Variants in CACNA1E observed in about 807,000 individuals in gnomAD.
CACNA1E encodes calcium voltage-gated channel subunit alpha1 E.
A neutral mutation model predicts 259.2 loss-of-function variants in CACNA1E; 40 were observed. The observed-to-expected ratio is 0.15, with a 90% CI of 0.12 to 0.20. The LOEUF is 0.20. Ranked by LOEUF, CACNA1E falls within the 10% of genes least tolerant of loss-of-function variation. The pLI is 1.00. For missense variants in CACNA1E, 1,874 were observed against 3,040.1 expected, an observed-to-expected ratio of 0.62 and a Z score of 9.02; for synonymous variants, 1,104 against 1,138.5, an observed-to-expected ratio of 0.97 and a Z score of 0.61.
At chr1:181,523,856 G>A (rs1181523383) in intron 3 of CACNA1E, among the ~76,000 whole-genome samples, 1 of 152,230 alleles carries the variant, frequency 6.6e-6, no homozygotes, top group East Asian at 1.9e-4. Flanking sequence ...CTTCAGTCTT[G>A]TGTAGAGGTG....
At chr1:181,577,331 C>T (rs1048226802) in intron 3 of CACNA1E, among the ~76,000 whole-genome samples, 15 of 152,142 alleles carry the variant, frequency 9.9e-5, no homozygotes, top group African/African-American at 3.6e-4. Flanking sequence ...TACTTTTTTA[C>T]TGCAGTTAAT....
intron 3 of CACNA1E, among the ~76,000 whole-genome samples, chr1:181,543,097 A>G (rs1668723782): frequency 2.0e-5 from 3 of 152,194 alleles, no homozygotes; most frequent in Middle Eastern, 3.4e-3. Context: ...ATGTTGTCTT[A>G]TAACACTGAT....
Position 181,776,085 on chromosome 1 carries a change from TC to T in CACNA1E, c.5140-12del, listed in dbSNP as rs752600141. On this transcript the variant is annotated splice_polypyrimidine_tract_variant and intron_variant, in intron 37 of 47. Transcript: ENST00000367573. The surrounding 1 kb of genome is among the most constrained non-coding windows in gnomAD (Gnocchi z 4.4). ...TTAGGTTTCCCCTAACCCCTCTTCT[TC>T]CCCTTGCCCTTCAGATGCTCAACCT... is the stretch of plus-strand genomic sequence containing the variant. 7.6e-5 allele frequency: 122 copies of T among 1,609,326 alleles called. 1 individual carries two copies. In the Admixed American group the frequency reaches 2.0e-3, roughly 26 times the overall value.
At chr1:181,475,907 G>C (rs564606737) in intron 2 of CACNA1E, among the ~76,000 whole-genome samples, 25 of 152,270 alleles carry the variant, frequency 1.6e-4, no homozygotes, top group African/African-American at 5.5e-4. Flanking sequence ...TGGTGTGGAG[G>C]GGGTAGTTGA....
Position 181,728,702 on chromosome 1 carries a change from GGT to G in CACNA1E, c.2241-2465_2241-2464del, listed in dbSNP as rs541797044. 1.7e-3 allele frequency among the ~76,000 whole-genome samples: 251 copies of G among 152,032 alleles called. 1 individual carries two copies. Among genetic ancestry groups the G allele is most frequent in the Non-Finnish European group, 3.1e-3 (213 of 67,970 alleles). On this transcript the variant is annotated intron_variant, in intron 18 of 47. Coordinates refer to ENST00000367573, the MANE Select transcript of CACNA1E (RefSeq NM_001205293.3). Reference sequence around the variant, plus strand: ...TGCCCAGGTGTGTGTGCCCTACACAGGTGTGTGTGCTCTGCACAGGTATGTGT... The same window carrying G: ...TGCCCAGGTGTGTGTGCCCTACACAGGTGTGTGCTCTGCACAGGTATGTGT...
intron 1 of CACNA1E, among the ~76,000 whole-genome samples, chr1:181,347,593 G>A (rs1160483270): frequency 1.3e-5 from 2 of 152,228 alleles, no homozygotes; most frequent in African/African-American, 2.4e-5. Context: ...GCCCATGCCT[G>A]CCTCTGCACC....
At chr1:181,681,738 G>A (rs2102267318) in intron 7 of CACNA1E, among the ~76,000 whole-genome samples, 1 of 152,302 alleles carries the variant, frequency 6.6e-6, no homozygotes, top group Middle Eastern at 3.4e-3. Context: ...TACCAGCTGT[G>A]AGTAAGTTAT....
At chr1:181,544,400 T>TAAA (rs5779107) in intron 3 of CACNA1E, among the ~76,000 whole-genome samples, 5 of 148,588 alleles carry the variant, frequency 3.4e-5, no homozygotes, top group Admixed American at 6.7e-5. Flanking sequence ...CTGAATATAC[T>TAAA]AAAAAAAAAA....
chr1:181,791,065 C>T (rs1386181713), intron 44 of CACNA1E, among the ~76,000 whole-genome samples: 1 of 152,210 alleles, frequency 6.6e-6, no homozygotes, highest in Admixed American at 6.5e-5. Context: ...ACTGTCTTAC[C>T]TCTGCTCTGT....
chr1:181,344,830 C>A (rs1159864305), intron 1 of CACNA1E, among the ~76,000 whole-genome samples: 2 of 152,198 alleles, frequency 1.3e-5, no homozygotes, highest in Non-Finnish European at 2.9e-5. Context: ...CTTTTAATTA[C>A]CTGCTGGCAA....
chr1:181,790,713 G>A (rs148396631), intron 44 of CACNA1E, among the ~76,000 whole-genome samples, 157 bp downstream of exon 44: 1 of 152,300 alleles, frequency 6.6e-6, no homozygotes, highest in African/African-American at 2.4e-5. Flanking sequence ...TTCTAGCCCA[G>A]TTTCTCATGT....
chr1:181,750,385 TCTGA>T (rs1657485631), intron 25 of CACNA1E, 87 bp from the exon 26 acceptor site: 8 of 1,119,448 alleles, frequency 7.1e-6, no homozygotes, highest in Admixed American at 1.9e-5. Context: ...CCTGAAGTGT[TCTGA>T]CTGTCTTTCT....
At chr1:181,580,512 C>T in intron 5 of CACNA1E, 83 bp from the exon 6 acceptor site, 2 of 1,355,208 alleles carry the variant, frequency 1.5e-6, no homozygotes, top group East Asian at 2.3e-5. Flanking sequence ...AATGGAATTG[C>T]TTGCCTATGG....
At chr1:181,358,268 T>A (rs1653606981) in intron 1 of CACNA1E, among the ~76,000 whole-genome samples, 1 of 152,152 alleles carries the variant, frequency 6.6e-6, no homozygotes, top group South Asian at 2.1e-4. Context: ...TTGGAGCAGG[T>A]GAGTTATACC....
intron 1 of CACNA1E, among the ~76,000 whole-genome samples, chr1:181,509,278 G>A (rs1180024002): frequency 6.6e-6 from 1 of 152,140 alleles, no homozygotes; most frequent in African/African-American, 2.4e-5. Context: ...TTAACATTGT[G>A]TTATTGCCAC....
In CACNA1E at chr1:181,361,336, G is replaced by A. The variant is rs550226508; in HGVS notation, c.-15+43213G>A. 2.0e-5 allele frequency among the ~76,000 whole-genome samples: 3 copies of A among 152,050 alleles called. No individual in the cohort carries two copies. In the East Asian group the frequency reaches 5.8e-4, roughly 30 times the overall value. ...GGTGGGCTTGGAAGTATTTAAAATGGTTAATATTTAAAAATATTGTTCTAC... is the reference window on the plus strand; with the variant it reads ...GGTGGGCTTGGAAGTATTTAAAATGATTAATATTTAAAAATATTGTTCTAC... On this transcript the variant is annotated intron_variant, in intron 1 of 11. Transcript: ENST00000524607.
chr1:181,784,548 T>A, intron 40 of CACNA1E, 113 bp from the exon 41 acceptor site: 1 of 660,134 alleles, frequency 1.5e-6, no homozygotes, highest in Non-Finnish European at 2.6e-6. Flanking sequence ...AGTGCCAAGA[T>A]TTCCTCTTAA....
rs538404584 is a variant in CACNA1E at position 181,365,187 on chromosome 1, A to G, written c.-15+47064A>G. 3.3e-5 allele frequency among the ~76,000 whole-genome samples: 5 copies of G among 152,212 alleles called. No individual in the cohort carries two copies. The East Asian group carries it at 7.7e-4, about 24-fold the overall frequency. On this transcript the variant is annotated intron_variant, in intron 1 of 11. Coordinates refer to the CACNA1E transcript ENST00000524607. ...CTTTTTTTTATTTTTTATTTTTATG[A>G]ATCAATGTCTCACTCTGTCACCCAG... is the stretch of plus-strand genomic sequence containing the variant.
chr1:181,529,647 G>T (rs1166920924), intron 3 of CACNA1E, among the ~76,000 whole-genome samples: 1 of 152,218 alleles, frequency 6.6e-6, no homozygotes, highest in Non-Finnish European at 1.5e-5. Flanking sequence ...GCATGTCCTG[G>T]ATGTGAGATC....
Sources: gnomAD v4.1 joint callset for allele counts (sites outside exome capture counted in the v4.1 genomes callset) on GRCh38, gnomAD v4.1.1 for gene constraint, Gnocchi (gnomAD v3.1) non-coding constraint, MANE v1.5 for transcripts, NCBI Gene and HGNC (gene_info 2026-07-23, HGNC 2026-07-21) for gene names.